PUDP: variants seen among roughly 807,000 people sequenced by gnomAD.
PUDP encodes pseudouridine 5'-phosphatase.
In PUDP, 8 loss-of-function variants were observed where a neutral mutation model predicts 9.4. The ratio of observed to expected loss-of-function variants is 0.85; its 90% CI spans 0.50 to 1.53. The LOEUF is 1.53. Among genes scored for constraint, PUDP ranks in the 40% most tolerant of loss-of-function variants. PUDP has a pLI of 0.00. For synonymous variants in PUDP, 99 were observed against 80.7 expected (o/e 1.23, Z -1.22); for missense variants, 188 against 189.7 (o/e 0.99, Z 0.05).
At chrX:6,809,476 T>G (rs748282274) in intron 3 of PUDP, among the ~76,000 whole-genome samples, 1 of 109,099 alleles carries the variant, frequency 9.2e-6, no homozygotes, top group South Asian at 4.2e-4. Context: ...GATTTTTTTT[T>G]GTAGCAATAG....
chrX:6,914,548 G>A (rs764706677), intron 3 of PUDP, among the ~76,000 whole-genome samples: 1 of 112,098 alleles, frequency 8.9e-6, no homozygotes, highest in Non-Finnish European at 1.9e-5. Context: ...CAGTCAGTTC[G>A]GGTGAATCCT....
intron 1 of PUDP, among the ~76,000 whole-genome samples, chrX:6,982,023 T>TACACACACACACACAC (rs59016698): frequency 0.067 from 5,817 of 86,818 alleles, 278 homozygotes; most frequent in Non-Finnish European, 0.095. Context: ...AACTTATGGA[T>TACACACACACACACAC]ACACACACAC....
intron 3 of PUDP, among the ~76,000 whole-genome samples, chrX:6,912,184 T>C (rs1295443951): frequency 8.9e-6 from 1 of 111,946 alleles, no homozygotes; most frequent in Non-Finnish European, 1.9e-5. Context: ...TTTTCTCTTA[T>C]GCCTTTTTCT....
intron 3 of PUDP, chrX:7,057,704 C>T (rs906286982): frequency 1.7e-5 from 19 of 1,148,100 alleles, no homozygotes; most frequent in African/African-American, 1.1e-4. Context: ...GCTGGAGGTG[C>T]GGTCAGGTGT....
chrX:6,800,631 C>T (rs1047048843), intron 3 of PUDP, among the ~76,000 whole-genome samples: 15 of 111,894 alleles, frequency 1.3e-4, no homozygotes, highest in African/African-American at 4.9e-4. Context: ...CGGACAACAT[C>T]GCATTAATTT....
intron 1 of PUDP, among the ~76,000 whole-genome samples, chrX:7,033,548 G>A (rs1178309594): frequency 4.5e-5 from 5 of 112,253 alleles, no homozygotes; most frequent in Admixed American, 1.9e-4. Context: ...GCATTAATTT[G>A]TTCAACAAAT....
At chrX:7,120,463 A>AT (rs1242205907) in intron 1 of PUDP, among the ~76,000 whole-genome samples, 1 of 111,721 alleles carries the variant, frequency 9.0e-6, no homozygotes, top group African/African-American at 3.3e-5. Context: ...CAATACCTTG[A>AT]TTTTACCAAC....
intron 1 of PUDP, among the ~76,000 whole-genome samples, chrX:7,109,043 C>A (rs1391903731): frequency 1.8e-5 from 2 of 111,941 alleles, no homozygotes; most frequent in Non-Finnish European, 3.8e-5. Flanking sequence ...CAAGTAACAA[C>A]CTGAGTAACT....
At chrX:7,030,673 CT>C (rs1347289208) in intron 1 of PUDP, among the ~76,000 whole-genome samples, 1 of 111,274 alleles carries the variant, frequency 9.0e-6, no homozygotes, top group Non-Finnish European at 1.9e-5. Flanking sequence ...CATTTAGTCC[CT>C]CTGTAAACTG....
At chrX:7,116,286 T>C (rs938841803) in intron 1 of PUDP, among the ~76,000 whole-genome samples, 1 of 111,028 alleles carries the variant, frequency 9.0e-6, no homozygotes, top group Non-Finnish European at 1.9e-5. Context: ...ACATTTTGGC[T>C]CTCTGGCTGG....
chrX:6,746,609 C>A (rs1337587497), intron 3 of PUDP, among the ~76,000 whole-genome samples: 1 of 109,583 alleles, frequency 9.1e-6, no homozygotes, highest in African/African-American at 3.3e-5. Flanking sequence ...TTGTTCCTTT[C>A]CCTGTGTCCA....
At chrX:6,943,036 G>A (rs1369640255) in intron 3 of PUDP, among the ~76,000 whole-genome samples, 2 of 112,014 alleles carry the variant, frequency 1.8e-5, no homozygotes, top group South Asian at 3.7e-4. Flanking sequence ...AAATGAAACC[G>A]ATGCACCCAA....
At chrX:7,001,452 A>T (rs12841489) in intron 1 of PUDP, among the ~76,000 whole-genome samples, 10 of 111,410 alleles carry the variant, frequency 9.0e-5, no homozygotes, top group Non-Finnish European at 1.7e-4. Flanking sequence ...ATATGAAAGA[A>T]CAAAGAGCCA....
chrX:7,033,861 G>A (rs1417761758), intron 1 of PUDP, among the ~76,000 whole-genome samples: 2 of 112,010 alleles, frequency 1.8e-5, no homozygotes, highest in East Asian at 5.6e-4. Context: ...GGTGTGACCA[G>A]TAGATTGATA....
intron 3 of PUDP, among the ~76,000 whole-genome samples, chrX:6,925,460 C>T (rs1290449628): frequency 9.0e-6 from 1 of 111,560 alleles, no homozygotes; most frequent in Non-Finnish European, 1.9e-5. Flanking sequence ...AAGGAATGGG[C>T]AGCAGGAACA....
intron 1 of PUDP, among the ~76,000 whole-genome samples, chrX:7,137,598 T>C (rs5979031): frequency 1.5e-4 from 17 of 112,069 alleles, no homozygotes; most frequent in Non-Finnish European, 3.0e-4. Flanking sequence ...TCAGGCATCT[T>C]GTGACAAAGC....
At chrX:7,083,794 G>A (rs772029250) in intron 2 of PUDP, among the ~76,000 whole-genome samples, 11 of 109,096 alleles carry the variant, frequency 1.0e-4, no homozygotes, top group South Asian at 4.1e-4. Flanking sequence ...CCAGCTACTC[G>A]AGAGGCTGAG....
intron 3 of PUDP, among the ~76,000 whole-genome samples, chrX:6,818,358 T>C (rs140477046): frequency 0.02 from 2,193 of 112,155 alleles, 52 homozygotes; most frequent in African/African-American, 0.068. Context: ...GCCATTGTAA[T>C]AGTCCTGCCA....
intron 3 of PUDP, among the ~76,000 whole-genome samples, chrX:6,952,626 G>T (rs768241365): frequency 3.6e-5 from 4 of 111,878 alleles, no homozygotes; most frequent in African/African-American, 1.3e-4. Context: ...AAACATAGTT[G>T]CCAGTGTGGT....
Sources: allele counts gnomAD v4.1 joint callset (sites outside exome capture counted in the v4.1 genomes callset), GRCh38; gene constraint gnomAD v4.1.1; transcripts MANE v1.5; gene names NCBI Gene and HGNC (gene_info 2026-07-23, HGNC 2026-07-21).